PDE11A: variants seen among roughly 807,000 people sequenced by gnomAD.
The protein encoded by PDE11A is phosphodiesterase 11A, also known as dual 3',5'-cyclic-AMP and -GMP phosphodiesterase 11A.
A neutral mutation model predicts 100.5 loss-of-function variants in PDE11A; 100 were observed. That is an observed-to-expected ratio of 1.00 (90% confidence interval 0.85 to 1.18). The LOEUF is 1.18. Ranked by LOEUF, PDE11A falls within the 50% of genes most tolerant of loss-of-function variation. The pLI is 0.00. For missense variants in PDE11A, 1,141 were observed against 1,152.6 expected (o/e 0.99, Z 0.15); for synonymous variants, 381 against 420.8 (o/e 0.91, Z 1.16).
At chr2:177,848,492 G>T (rs184606528) in intron 5 of PDE11A, among the ~76,000 whole-genome samples, 1 of 152,090 alleles carries the variant, frequency 6.6e-6, no homozygotes, top group Admixed American at 6.6e-5. Context: ...AGAAAAAGGG[G>T]TATAAGAAAA....
upstream of PDE11A, among the ~76,000 whole-genome samples, chr2:178,075,276 A>G (rs2087193330): frequency 6.6e-6 from 1 of 152,096 alleles, no homozygotes; most frequent in African/African-American, 2.4e-5. Flanking sequence ...CAACAGGCCA[A>G]GCATGGTGGC....
upstream of PDE11A, among the ~76,000 whole-genome samples, chr2:178,074,061 T>G (rs1260318582): frequency 6.6e-6 from 1 of 152,220 alleles, no homozygotes; most frequent in African/African-American, 2.4e-5. Context: ...AATAAAGCAC[T>G]GACACGTGCT....
chr2:177,844,481 C>A (rs2083547110), intron 5 of PDE11A, among the ~76,000 whole-genome samples: 2 of 151,732 alleles, frequency 1.3e-5, no homozygotes, highest in Admixed American at 1.3e-4. Context: ...AGAGTAATCA[C>A]ATTCTGGCTT....
chr2:177,950,624 T>C (rs557230958), intron 2 of PDE11A, among the ~76,000 whole-genome samples: 5 of 152,188 alleles, frequency 3.3e-5, no homozygotes, highest in African/African-American at 1.2e-4. Context: ...GTCAATACCA[T>C]GTTAATAATG....
At chr2:177,856,418 T>C (rs948926337) in intron 5 of PDE11A, among the ~76,000 whole-genome samples, 1 of 151,962 alleles carries the variant, frequency 6.6e-6, no homozygotes, top group African/African-American at 2.4e-5. Flanking sequence ...ATACTCCATA[T>C]ATGAAAAAAC....
At chr2:177,708,216 C>A (rs1157386544) in intron 13 of PDE11A, among the ~76,000 whole-genome samples, 1 of 126,434 alleles carries the variant, frequency 7.9e-6, no homozygotes, top group Non-Finnish European at 1.7e-5. Context: ...GACATGGAAT[C>A]CTAAATGCCC....
In PDE11A at chr2:177,840,356, T is replaced by C. The variant is rs755700569; in HGVS notation, c.1395A>G (p.Ser465=). The change falls in exon 6 of 20, where the codon TCA becomes TCG. Residue 465 remains serine, a synonymous_variant. Transcript: ENST00000286063. ...TGTTATTTATTAGCCAGTCGGAGTATGATGATTTCTCCATGCTTTCTTTGA... is the reference window on the plus strand; with the variant it reads ...TGTTATTTATTAGCCAGTCGGAGTACGATGATTTCTCCATGCTTTCTTTGA... The part of the protein sequence containing the change: ...NSFKESMEKS[S]YSDWLINNSI... 3.1e-6 allele frequency: 5 copies of C among 1,613,556 alleles called. No individual in the cohort carries two copies. Among genetic ancestry groups the C allele is most frequent in the Middle Eastern group, 1.6e-4 (1 of 6,084 alleles).
chr2:177,909,273 T>C (rs2084840524), intron 2 of PDE11A, among the ~76,000 whole-genome samples: 1 of 152,240 alleles, frequency 6.6e-6, no homozygotes, highest in Non-Finnish European at 1.5e-5. Flanking sequence ...TCCTGCTGTC[T>C]TGTTTTGTGT....
intron 1 of PDE11A, among the ~76,000 whole-genome samples, chr2:178,047,238 G>C (rs1412722843): frequency 6.6e-6 from 1 of 152,080 alleles, no homozygotes; most frequent in Non-Finnish European, 1.5e-5. Flanking sequence ...AAGGCGGATG[G>C]ATCACTTGAG....
At chr2:177,914,256 T>G (rs2105746143) in intron 2 of PDE11A, among the ~76,000 whole-genome samples, 1 of 152,140 alleles carries the variant, frequency 6.6e-6, no homozygotes, top group East Asian at 1.9e-4. Context: ...CTAAGAATAT[T>G]AAACATTTTC....
chr2:178,014,415 T>A lies in PDE11A; in HGVS notation c.958A>T (p.Thr320Ser). The A allele has an allele frequency of 6.2e-7, 1 of 1,613,268 alleles. No homozygotes were observed. Among genetic ancestry groups the A allele is most frequent in the Non-Finnish European group, 8.5e-7 (1 of 1,179,266 alleles). ...DEIDKLTGYK[T>S]KSLLCMPIRS... The stretch of plus-strand genomic sequence containing the variant: ...ATAGGCATGCACAATAATGATTTTG[T>A]CTTGTATCCAGTTAGCTTGTCGATT... Residue 320 changes from threonine (T) to serine (S), a missense_variant, in exon 2 of 20, where the codon ACA (threonine) becomes TCA (serine). By Grantham distance (58) the Thr-to-Ser change is moderately conservative (BLOSUM62 1). Transcript: ENST00000286063.
chr2:177,850,098 C>G (rs1235555267), intron 5 of PDE11A, among the ~76,000 whole-genome samples: 2 of 152,124 alleles, frequency 1.3e-5, no homozygotes, highest in Non-Finnish European at 2.9e-5. Context: ...GCCAAAAGAA[C>G]AAAGCTGGAG....
At chr2:177,821,926 T>C (rs1204008192) in intron 6 of PDE11A, among the ~76,000 whole-genome samples, 1 of 151,890 alleles carries the variant, frequency 6.6e-6, no homozygotes, top group Non-Finnish European at 1.5e-5. Flanking sequence ...TGGTCTTTTG[T>C]CCTGTTGGGT....
At chr2:177,946,097 A>G (rs1245296786) in intron 2 of PDE11A, among the ~76,000 whole-genome samples, 4 of 57,680 alleles carry the variant, frequency 6.9e-5, no homozygotes, top group African/African-American at 1.7e-4. Flanking sequence ...TCCGGGATGG[A>G]GGTGGGGGGG....
upstream of PDE11A, among the ~76,000 whole-genome samples, chr2:178,073,899 A>G (rs2087170325): frequency 1.3e-5 from 2 of 151,174 alleles, no homozygotes; most frequent in African/African-American, 4.9e-5. Flanking sequence ...AGCAAATGTT[A>G]TGTGTCAGGG....
intron 10 of PDE11A, among the ~76,000 whole-genome samples, chr2:177,752,754 C>T (rs1044683821): frequency 2.6e-5 from 4 of 152,172 alleles, no homozygotes; most frequent in Non-Finnish European, 5.9e-5. Flanking sequence ...TAGCAATTTT[C>T]AAGTAGCTTA....
rs1454497158 is a variant in PDE11A at position 178,030,507 on chromosome 2, T to C, written c.913-16047A>G. Among the ~76,000 whole-genome samples, 3 of 151,714 alleles carry C rather than the reference T, an allele frequency of 2.0e-5. No individual in the cohort carries two copies. The East Asian group carries it at 5.8e-4, about 29-fold the overall frequency. On this transcript the variant is annotated intron_variant, in intron 1 of 19. Coordinates refer to ENST00000286063, the MANE Select transcript of PDE11A (RefSeq NM_016953.4). ...ATTTATTACAAACTATTCCAACTAATGGAAAAAGAAAGACCATTCTCCCAG... is the reference window on the plus strand; with the variant it reads ...ATTTATTACAAACTATTCCAACTAACGGAAAAAGAAAGACCATTCTCCCAG...
intron 2 of PDE11A, among the ~76,000 whole-genome samples, chr2:178,081,334 A>G (rs1384643940): frequency 6.6e-6 from 1 of 152,184 alleles, no homozygotes; most frequent in African/African-American, 2.4e-5. Flanking sequence ...TCTACAAGCT[A>G]TTTTATCACC....
rs539233929 is a variant in PDE11A, at chr2:177,926,000, C to T, written c.1072-20813G>A. ...TGTCACAGTCACCCAAATCTCCTTC[C>T]TCCATTTGAAGAAAAATAGGAAAGC... On this transcript the variant is annotated intron_variant, in intron 2 of 19. Transcript: ENST00000286063. 3.9e-5 allele frequency among the ~76,000 whole-genome samples: 6 copies of T among 152,310 alleles called. No individual in the cohort carries two copies. In the East Asian group the frequency reaches 1.2e-3, roughly 29 times the overall value.
Sources: allele counts gnomAD v4.1 joint callset (sites outside exome capture counted in the v4.1 genomes callset), GRCh38; gene constraint gnomAD v4.1.1; transcripts MANE v1.5; gene names NCBI Gene and HGNC (gene_info 2026-07-23, HGNC 2026-07-21).